MAGI2: variants seen among roughly 807,000 people sequenced by gnomAD.
MAGI2 encodes membrane-associated guanylate kinase, WW and PDZ domain-containing protein 2.
Under a neutral mutation model 133.3 loss-of-function variants are expected in MAGI2, and 35 were observed. The observed-to-expected ratio is 0.26, with a 90% CI of 0.20 to 0.35. The LOEUF (loss-of-function observed/expected upper bound fraction) is 0.35, where lower values mean the gene tolerates loss of function less well. MAGI2 is among the 10% of genes least tolerant of loss of function. The probability of loss-of-function intolerance (pLI) is 1.00; values close to 1 mark genes in which losing one functional copy is unlikely to be tolerated. For synonymous variants in MAGI2, 729 were observed against 710.6 expected, an observed-to-expected ratio of 1.03 and a Z score of -0.41; for missense variants, 1,636 against 1,863.4, an observed-to-expected ratio of 0.88 and a Z score of 2.25.
rs553440130 is a variant in MAGI2, at chr7:79,088,561, T to A, written c.302-81355A>T. 7.9e-5 allele frequency among the ~76,000 whole-genome samples: 12 copies of A among 152,252 alleles called. No homozygotes were observed. The East Asian group carries it at 2.3e-3, about 29-fold the overall frequency. On this transcript the variant is annotated intron_variant, in intron 1 of 21. Transcript: ENST00000354212. ...CCAATAATATGTTGAATAGGAGTGA[T>A]GAGAGAGGGCATCCTTGTCTTGTGC... is the stretch of plus-strand genomic sequence containing the variant.
intron 3 of MAGI2, among the ~76,000 whole-genome samples, chr7:78,607,509 A>G (rs1243962372): frequency 2.6e-5 from 4 of 151,948 alleles, no homozygotes; most frequent in Non-Finnish European, 5.9e-5. Context: ...AAAAAAAAAA[A>G]AAAAAGAGAG....
chr7:78,461,145 T>G (rs1399203917), intron 6 of MAGI2, among the ~76,000 whole-genome samples: 3 of 152,140 alleles, frequency 2.0e-5, no homozygotes, highest in African/African-American at 7.2e-5. Context: ...TCTATGTCAG[T>G]TTATCCAGTT....
At chr7:79,223,775 G>C (rs1830634592) in intron 1 of MAGI2, among the ~76,000 whole-genome samples, 1 of 152,028 alleles carries the variant, frequency 6.6e-6, no homozygotes, top group African/African-American at 2.4e-5. Context: ...TACACAGTCT[G>C]CTGACCCTAA....
intron 20 of MAGI2, among the ~76,000 whole-genome samples, chr7:78,103,255 T>C (rs1818361791): frequency 6.6e-6 from 1 of 152,242 alleles, no homozygotes; most frequent in Admixed American, 6.5e-5. Flanking sequence ...TACATTCATT[T>C]ACTTCTCAGA....
At chr7:78,690,287 C>T (rs535831047) in intron 2 of MAGI2, among the ~76,000 whole-genome samples, 8 of 152,236 alleles carry the variant, frequency 5.3e-5, no homozygotes, top group East Asian at 1.9e-4. Flanking sequence ...GAACTTGAGG[C>T]GGGAGTGAAT....
chr7:78,303,873 C>T lies in MAGI2; in HGVS notation c.1408+39905G>A, dbSNP rs75605973. Among the ~76,000 whole-genome samples, 124 of 152,244 alleles carry T rather than the reference C, an allele frequency of 8.1e-4. 1 individual carries two copies. Among genetic ancestry groups the T allele is most frequent in the African/African-American group, 2.7e-3 (112 of 41,544 alleles). Reference sequence around the variant, plus strand: ...CTCTCACAATTCAGACTAAAAATCTCGCTGCCTACTCACTATCTTCACTTA... The same window carrying T: ...CTCTCACAATTCAGACTAAAAATCTTGCTGCCTACTCACTATCTTCACTTA... On this transcript the variant is annotated intron_variant, in intron 9 of 21. Transcript: ENST00000354212.
chr7:79,121,063 A>G (rs1271464872), intron 1 of MAGI2, among the ~76,000 whole-genome samples: 1 of 152,136 alleles, frequency 6.6e-6, no homozygotes, highest in Non-Finnish European at 1.5e-5. Context: ...CTTCCCCCAC[A>G]TTTCTTCTAT....
At chr7:78,966,866 A>G (rs1018564947) in intron 2 of MAGI2, among the ~76,000 whole-genome samples, 5 of 141,344 alleles carry the variant, frequency 3.5e-5, no homozygotes, top group African/African-American at 1.3e-4. Flanking sequence ...GATAATAGCC[A>G]TCTTAAGTGA....
At chr7:78,092,131 C>G (rs1276487238) in intron 20 of MAGI2, among the ~76,000 whole-genome samples, 1 of 152,144 alleles carries the variant, frequency 6.6e-6, no homozygotes, top group African/African-American at 2.4e-5. Flanking sequence ...TTTAACAGTG[C>G]ACAAGGAGTA....
At chr7:78,621,793 AATCT>A (rs1163806697) in intron 3 of MAGI2, among the ~76,000 whole-genome samples, 1 of 152,054 alleles carries the variant, frequency 6.6e-6, no homozygotes, top group Non-Finnish European at 1.5e-5. Flanking sequence ...AAATCAGGAC[AATCT>A]ATCTGATTTC....
At chr7:78,169,388 A>AT (rs1192698091) in intron 14 of MAGI2, among the ~76,000 whole-genome samples, 1 of 152,166 alleles carries the variant, frequency 6.6e-6, no homozygotes, top group Admixed American at 6.5e-5. Context: ...TTCCAGATTG[A>AT]TTTCCTTCAG....
chr7:78,442,844 A>G (rs1333349147), intron 6 of MAGI2, among the ~76,000 whole-genome samples: 3 of 152,224 alleles, frequency 2.0e-5, no homozygotes, highest in Admixed American at 2.0e-4. Flanking sequence ...AACAAACAGA[A>G]CAGTAATTGA....
chr7:78,529,408 G>A (rs542574625), intron 3 of MAGI2, among the ~76,000 whole-genome samples: 1 of 152,288 alleles, frequency 6.6e-6, no homozygotes, highest in Admixed American at 6.5e-5. Context: ...GCGCCAGATA[G>A]CAGACGGAAA....
intron 1 of MAGI2, among the ~76,000 whole-genome samples, chr7:79,209,364 C>T (rs1829315258): frequency 1.3e-5 from 2 of 152,014 alleles, no homozygotes; most frequent in South Asian, 4.2e-4. Context: ...GTTTTGATTA[C>T]AACATTACTG....
In MAGI2 at chr7:78,487,066, T is replaced by G. The variant is rs550761254; in HGVS notation, c.1045+2695A>C. 1.1e-5 allele frequency: 5 copies of G among 453,756 alleles called. No individual in the cohort carries two copies. In the East Asian group the frequency reaches 3.1e-4, roughly 28 times the overall value. The allele number at this position is 453,756 out of a possible 1,614,324, so 28.1% of individuals were successfully genotyped here. A position where few individuals can be genotyped will look rare whatever the true frequency, so the allele number is the denominator to read the frequency against. On this transcript the variant is annotated intron_variant, in intron 6 of 21. Coordinates refer to ENST00000354212, the MANE Select transcript of MAGI2 (RefSeq NM_012301.4). ...ACACTGAGGCAGGGCAGAGGGACTT[T>G]TGATAGGCTACGGTCCTGTTCTCCT... is the stretch of plus-strand genomic sequence containing the variant.
chr7:78,052,282 T>A (rs557271359), intron 21 of MAGI2, among the ~76,000 whole-genome samples: 2 of 152,280 alleles, frequency 1.3e-5, no homozygotes, highest in African/African-American at 4.8e-5. Context: ...CCTGCTGCCG[T>A]CCTCATGGGA....
intron 2 of MAGI2, among the ~76,000 whole-genome samples, chr7:78,732,618 A>G (rs1039475508): frequency 3.9e-5 from 6 of 152,210 alleles, no homozygotes; most frequent in Non-Finnish European, 7.3e-5. Flanking sequence ...ATCTGAGTAT[A>G]CAAATGTTTA....
chr7:79,027,864 A>C (rs1253458043), intron 1 of MAGI2, among the ~76,000 whole-genome samples: 1 of 152,172 alleles, frequency 6.6e-6, no homozygotes, highest in African/African-American at 2.4e-5. Flanking sequence ...TTTCAAAATC[A>C]ATAAAAATAA....
At chr7:78,855,766 G>A (rs1018838203) in intron 2 of MAGI2, among the ~76,000 whole-genome samples, 13 of 152,104 alleles carry the variant, frequency 8.5e-5, no homozygotes, top group African/African-American at 1.9e-4. Flanking sequence ...TTGGGTATAC[G>A]CCCAGTAATG....
Sources: gnomAD v4.1 joint callset for allele counts (sites outside exome capture counted in the v4.1 genomes callset) on GRCh38, gnomAD v4.1.1 for gene constraint, MANE v1.5 for transcripts, NCBI Gene and HGNC (gene_info 2026-07-23, HGNC 2026-07-21) for gene names.